Variants in BAG4 observed in about 807,000 individuals in gnomAD.
The protein encoded by BAG4 is BAG family molecular chaperone regulator 4.
In BAG4, 28 loss-of-function variants were observed where a neutral mutation model predicts 52.1. The observed-to-expected ratio is 0.54, with a 90% confidence interval of 0.40 to 0.74. The LOEUF is 0.74. BAG4 is among the 30% of genes least tolerant of loss of function. BAG4 has a pLI of 0.00. For synonymous variants in BAG4, 208 were observed against 217.0 expected (o/e 0.96, Z 0.37); for missense variants, 525 against 572.0 (o/e 0.92, Z 0.84).
intron 1 of BAG4, among the ~76,000 whole-genome samples, chr8:38,188,420 A>G (rs1803404592): frequency 6.6e-6 from 1 of 151,926 alleles, no homozygotes; most frequent in Non-Finnish European, 1.5e-5. Context: ...AATGCAATAA[A>G]GAAAAGATAA....
intron 1 of BAG4, among the ~76,000 whole-genome samples, chr8:38,185,659 G>C (rs1035672254): frequency 2.6e-5 from 4 of 152,170 alleles, no homozygotes; most frequent in Non-Finnish European, 5.9e-5. Flanking sequence ...CCACCTCCCA[G>C]GTTCAAGCGA....
At chr8:38,182,846 A>C (rs1309515883) in intron 1 of BAG4, among the ~76,000 whole-genome samples, 2 of 152,102 alleles carry the variant, frequency 1.3e-5, no homozygotes, top group Non-Finnish European at 2.9e-5. Context: ...TTTCCTTAAG[A>C]CAATAAAATT....
At chr8:38,180,375 T>A (rs2130659154) in intron 1 of BAG4, among the ~76,000 whole-genome samples, 1 of 151,404 alleles carries the variant, frequency 6.6e-6, no homozygotes, top group South Asian at 2.1e-4. Flanking sequence ...ACACAAAAAT[T>A]AGCCAGGCAT....
At chr8:38,192,967 C>A (rs1057121724) in intron 2 of BAG4, among the ~76,000 whole-genome samples, 172 bp downstream of exon 2, 1 of 151,960 alleles carries the variant, frequency 6.6e-6, no homozygotes, top group Admixed American at 6.6e-5. Flanking sequence ...AATATCTAGG[C>A]AAATATACCT....
At position 38,177,289 on chromosome 8, in the gene BAG4, G is replaced by A. The variant is rs1054391076; in HGVS notation, c.270+150G>A. The A allele has an allele frequency of 1.1e-4, 116 of 1,088,060 alleles. No individual in the cohort carries two copies. The African/African-American group carries it at 1.6e-3, about 15-fold the overall frequency. The allele number at this position is 1,088,060 out of a possible 1,614,324, so 67.4% of individuals were successfully genotyped here. A position where few individuals can be genotyped will look rare whatever the true frequency, so the allele number is the denominator to read the frequency against. On this transcript the variant is annotated intron_variant, in intron 1 of 4. Transcript: ENST00000287322. ...AGACCGAGACTAAGATCAGAGGTTG[G>A]GGGGACATGCTTGTGTTCCCTTTGC...
intron 2 of BAG4, among the ~76,000 whole-genome samples, chr8:38,193,413 G>A (rs1472424120): frequency 1.3e-5 from 2 of 151,526 alleles, no homozygotes; most frequent in Non-Finnish European, 2.9e-5. Context: ...GTGAGACTCC[G>A]TCTCAAAACA....
At chr8:38,191,603 A>G (rs533687988) in intron 1 of BAG4, among the ~76,000 whole-genome samples, 35 of 152,248 alleles carry the variant, frequency 2.3e-4, no homozygotes, top group African/African-American at 8.4e-4. Flanking sequence ...TACTAAAAGT[A>G]CAAAAAATTA....
intron 1 of BAG4, 70 bp from the exon 2 acceptor site, chr8:38,192,618 C>T (rs2130674308): frequency 1.6e-6 from 2 of 1,232,292 alleles, no homozygotes; most frequent in Non-Finnish European, 1.1e-6. Context: ...TATAACCTGC[C>T]TCTATCAATC....
intron 1 of BAG4, among the ~76,000 whole-genome samples, chr8:38,183,769 C>T (rs769931943): frequency 6.6e-6 from 1 of 151,682 alleles, no homozygotes; most frequent in Non-Finnish European, 1.5e-5. Context: ...GCTATCCTCC[C>T]GCCTCTGCCT....
At chr8:38,209,678 A>C in intron 4 of BAG4, 1 of 359,132 alleles carries the variant, frequency 2.8e-6, no homozygotes, top group Non-Finnish European at 5.0e-6. Flanking sequence ...ACCTTGCTTG[A>C]GGTTTTTAAC....
intron 3 of BAG4, 124 bp from the exon 4 acceptor site, chr8:38,208,889 G>T: frequency 8.4e-7 from 1 of 1,185,370 alleles, no homozygotes; most frequent in Non-Finnish European, 1.2e-6. Context: ...CTACAGTTTA[G>T]TCCGGTAGCA....
rs1803421361 is a variant in BAG4 at position 38,188,951 on chromosome 8, G to C, written c.271-3737G>C. Among the ~76,000 whole-genome samples the C allele has an allele frequency of 1.4e-5, 2 of 144,056 alleles. 1 individual carries two copies. Among genetic ancestry groups the C allele is most frequent in the South Asian group, 4.3e-4 (2 of 4,622 alleles). 94.5% of individuals were successfully genotyped at this position (144,056 alleles called of 152,430 possible). On this transcript the variant is annotated intron_variant, in intron 1 of 4. Coordinates refer to ENST00000287322, the MANE Select transcript of BAG4 (RefSeq NM_004874.4). Reference sequence around the variant, plus strand: ...TAGGACTACGGGTGTGTGCCACCATGCCCGGCTAATTTTTTTTTTTTTTTT... The same window carrying C: ...TAGGACTACGGGTGTGTGCCACCATCCCCGGCTAATTTTTTTTTTTTTTTT...
chr8:38,197,001 CAGG>C (rs1803573252), intron 2 of BAG4, among the ~76,000 whole-genome samples: 1 of 152,066 alleles, frequency 6.6e-6, no homozygotes, highest in African/African-American at 2.4e-5. Flanking sequence ...TGCTTGAACC[CAGG>C]AGGCAGAGGT....
intron 1 of BAG4, among the ~76,000 whole-genome samples, chr8:38,181,900 A>G (rs1803280219): frequency 6.8e-6 from 1 of 148,138 alleles, no homozygotes; most frequent in Admixed American, 6.8e-5. Flanking sequence ...AAAAAAAAAA[A>G]AAAAAAAAAA....
chr8:38,188,914 C>A (rs1408951438), intron 1 of BAG4, among the ~76,000 whole-genome samples: 1 of 151,712 alleles, frequency 6.6e-6, no homozygotes, highest in Non-Finnish European at 1.5e-5. Context: ...CTGCCTCAAC[C>A]TCCCAAGTAG....
intron 2 of BAG4, chr8:38,204,226 A>G (rs770639309): frequency 1.3e-5 from 2 of 152,344 alleles, no homozygotes; most frequent in Non-Finnish European, 2.9e-5. Context: ...TCAAGCATCA[A>G]AAGTAATGGC....
chr8:38,205,179 G>A (rs1803750024), intron 2 of BAG4, among the ~76,000 whole-genome samples: 1 of 145,172 alleles, frequency 6.9e-6, no homozygotes, highest in Non-Finnish European at 1.5e-5. Context: ...CTATAGCTGT[G>A]CCATACCACG....
At chr8:38,193,891 A>C (rs1320119688) in intron 2 of BAG4, among the ~76,000 whole-genome samples, 1 of 152,170 alleles carries the variant, frequency 6.6e-6, no homozygotes. Context: ...GGCATGTGCC[A>C]CCACACCTAG....
chr8:38,193,412 C>T (rs151202850), intron 2 of BAG4, among the ~76,000 whole-genome samples: 126 of 151,688 alleles, frequency 8.3e-4, no homozygotes, highest in African/African-American at 3.0e-3. Flanking sequence ...AGTGAGACTC[C>T]GTCTCAAAAC....
Sources: allele counts gnomAD v4.1 joint callset (sites outside exome capture counted in the v4.1 genomes callset), GRCh38; gene constraint gnomAD v4.1.1; transcripts MANE v1.5; gene names NCBI Gene and HGNC (gene_info 2026-07-23, HGNC 2026-07-21).